The following WWOX variants were observed in gnomAD, a reference collection of about 807,000 sequenced individuals.
WWOX encodes the protein WW domain containing oxidoreductase.
Under a neutral mutation model 46.2 loss-of-function variants are expected in WWOX, and 69 were observed. That is an observed-to-expected ratio of 1.49 (90% CI 1.23 to 1.82). The LOEUF (loss-of-function observed/expected upper bound fraction) is 1.82, where lower values mean the gene tolerates loss of function less well. WWOX is among the 40% of genes most tolerant of loss of function. The probability of loss-of-function intolerance (pLI) is 0.00; values close to 1 mark genes in which losing one functional copy is unlikely to be tolerated. For synonymous variants in WWOX, 359 were observed against 202.6 expected, an observed-to-expected ratio of 1.77 and a Z score of -6.56; for missense variants, 919 against 542.6, an observed-to-expected ratio of 1.69 and a Z score of -6.89.
rs770252388 is a variant in WWOX, at chr16:78,425,273, C to T, written c.791+218C>T. Among the ~76,000 whole-genome samples the T allele has an allele frequency of 3.8e-4, 58 of 152,082 alleles. No individual in the cohort carries two copies. The Middle Eastern group carries it at 0.01, about 27-fold the overall frequency. ...TCTAGAGCAAGGAAGATTGTTTTTA[C>T]GACTATACTTCAAGCTCCTCATTGA... On this transcript the variant is annotated intron_variant, in intron 7 of 8. Transcript: ENST00000566780.
intron 4 of WWOX, among the ~76,000 whole-genome samples, chr16:78,162,974 A>T (rs1203976753): frequency 6.6e-6 from 1 of 151,830 alleles, no homozygotes; most frequent in Admixed American, 6.6e-5. Flanking sequence ...ATTGTTTCTA[A>T]TTCCCTGGCA....
chr16:78,882,039 T>C (rs1434497930), intron 8 of WWOX, among the ~76,000 whole-genome samples: 1 of 152,106 alleles, frequency 6.6e-6, no homozygotes, highest in Non-Finnish European at 1.5e-5. Context: ...GGCAGGATAA[T>C]TGCTTGAGCC....
In WWOX at chr16:78,989,482, A is replaced by G. The variant is rs183307659; in HGVS notation, c.1057-222126A>G. Among the ~76,000 whole-genome samples, 49 of 152,292 alleles carry G rather than the reference A, an allele frequency of 3.2e-4. No homozygotes were observed. In the East Asian group the frequency reaches 7.0e-3, roughly 22 times the overall value. On this transcript the variant is annotated intron_variant, in intron 8 of 8. Transcript: ENST00000566780. The stretch of plus-strand genomic sequence containing the variant: ...GCTTGCAGGCTGGGGATCCCTGTCC[A>G]TAGCGCCCATGGCTCCACCACCAGT...
chr16:78,793,023 GC>G (rs1473201465), intron 8 of WWOX, among the ~76,000 whole-genome samples: 1 of 152,134 alleles, frequency 6.6e-6, no homozygotes, highest in Admixed American at 6.5e-5. Flanking sequence ...GAATTTCCTT[GC>G]CCCCGCTGCC....
At chr16:78,456,635 A>C (rs1418623511) in intron 8 of WWOX, among the ~76,000 whole-genome samples, 1 of 152,202 alleles carries the variant, frequency 6.6e-6, no homozygotes, top group Non-Finnish European at 1.5e-5. Flanking sequence ...AAAATTCTGA[A>C]TCTGTGGTGT....
chr16:79,136,312 C>T (rs1269907280), intron 8 of WWOX, among the ~76,000 whole-genome samples: 1 of 151,620 alleles, frequency 6.6e-6, no homozygotes, highest in Non-Finnish European at 1.5e-5. Flanking sequence ...CTCACTGCAA[C>T]ATTTGACTCC....
At chr16:79,181,295 G>T (rs72797436) in intron 8 of WWOX, among the ~76,000 whole-genome samples, 15,452 of 152,216 alleles carry the variant, frequency 0.1, 901 homozygotes, top group East Asian at 0.14. Flanking sequence ...CTTGCATACT[G>T]CTCTGTGCTG....
chr16:78,278,473 G>T, intron 5 of WWOX: 1 of 872,958 alleles, frequency 1.1e-6, no homozygotes, highest in Non-Finnish European at 1.8e-6. Context: ...GTTGGAAGAA[G>T]GTTTTATTTA....
intron 6 of WWOX, among the ~76,000 whole-genome samples, chr16:78,420,804 T>C (rs756780686): frequency 2.0e-5 from 3 of 152,100 alleles, no homozygotes; most frequent in Non-Finnish European, 4.4e-5. Context: ...CTTTAATAAA[T>C]TAGCTAATGC....
chr16:78,917,249 G>T (rs148652101), intron 8 of WWOX, among the ~76,000 whole-genome samples: 1 of 152,202 alleles, frequency 6.6e-6, no homozygotes, highest in Non-Finnish European at 1.5e-5. Context: ...CAAAGCTCAC[G>T]AACTGAGAGT....
Position 78,681,807 on chromosome 16 carries a change from C to G in WWOX, c.1056+249055C>G, listed in dbSNP as rs183549523. Among the ~76,000 whole-genome samples the G allele has an allele frequency of 3.9e-5, 6 of 152,334 alleles. No individual in the cohort carries two copies. In the East Asian group the frequency reaches 7.7e-4, roughly 20 times the overall value. ...ATCTATTTGGCCTTGGAAAGTTACTCTCTAAGTCAGGGCTTCTTTTCTTCA... is the reference window on the plus strand; with the variant it reads ...ATCTATTTGGCCTTGGAAAGTTACTGTCTAAGTCAGGGCTTCTTTTCTTCA... On this transcript the variant is annotated intron_variant, in intron 8 of 8. Transcript: ENST00000566780.
intron 8 of WWOX, among the ~76,000 whole-genome samples, chr16:78,576,752 GC>G (rs1168784096): frequency 6.6e-6 from 1 of 152,156 alleles, no homozygotes; most frequent in Non-Finnish European, 1.5e-5. Context: ...TATTTCTTAA[GC>G]CCAGAAGATT....
chr16:78,252,174 G>C (rs570008671), intron 5 of WWOX, among the ~76,000 whole-genome samples: 32 of 152,204 alleles, frequency 2.1e-4, no homozygotes, highest in African/African-American at 7.5e-4. Context: ...ACATTGAAAG[G>C]GTTTATTGCA....
At chr16:78,721,462 C>G (rs554022860) in intron 8 of WWOX, among the ~76,000 whole-genome samples, 18 of 152,154 alleles carry the variant, frequency 1.2e-4, no homozygotes, top group Non-Finnish European at 2.4e-4. Flanking sequence ...AAAGTGTTCT[C>G]TAAAGTGTTC....
At chr16:78,736,522 A>G (rs1045042425) in intron 8 of WWOX, among the ~76,000 whole-genome samples, 1 of 152,104 alleles carries the variant, frequency 6.6e-6, no homozygotes, top group African/African-American at 2.4e-5. Flanking sequence ...ATATCATCAA[A>G]TTCATGAGTA....
intron 8 of WWOX, among the ~76,000 whole-genome samples, chr16:78,472,842 T>G (rs951002843): frequency 6.8e-5 from 10 of 147,384 alleles, no homozygotes; most frequent in Non-Finnish European, 1.3e-4. Context: ...AAAAATTATG[T>G]CATTTCGTTG....
intron 8 of WWOX, among the ~76,000 whole-genome samples, chr16:78,578,225 T>C (rs1204872695): frequency 7.3e-6 from 1 of 136,898 alleles, no homozygotes; most frequent in Non-Finnish European, 1.5e-5. Flanking sequence ...ATTTTATGTT[T>C]ATATACAAAT....
intron 8 of WWOX, among the ~76,000 whole-genome samples, chr16:78,652,333 C>T (rs886194780): frequency 6.2e-5 from 9 of 144,584 alleles, no homozygotes; most frequent in Non-Finnish European, 1.3e-4. Flanking sequence ...CACTTGAACC[C>T]GGGAGGTGGA....
chr16:78,824,342 C>A (rs1032374298), intron 8 of WWOX, among the ~76,000 whole-genome samples: 6 of 152,126 alleles, frequency 3.9e-5, no homozygotes, highest in Non-Finnish European at 1.5e-5. Flanking sequence ...TTACTGTATT[C>A]AGTCCAAGCT....
Sources: gnomAD v4.1 joint callset for allele counts (sites outside exome capture counted in the v4.1 genomes callset) on GRCh38, gnomAD v4.1.1 for gene constraint, MANE v1.5 for transcripts, NCBI Gene and HGNC (gene_info 2026-07-23, HGNC 2026-07-21) for gene names.